The following RALGAPA1 variants were observed in gnomAD, a reference collection of about 807,000 sequenced individuals.
RALGAPA1 encodes the protein ral GTPase-activating protein subunit alpha-1.
RALGAPA1 carries 52 observed loss-of-function variants against 269.6 expected under a neutral mutation model. That is an observed-to-expected ratio of 0.19 (90% CI 0.15 to 0.24). The LOEUF (loss-of-function observed/expected upper bound fraction) is 0.24. Among genes scored for constraint, RALGAPA1 ranks in the 10% least tolerant of loss-of-function variants. RALGAPA1 has a pLI of 1.00. For synonymous variants in RALGAPA1, 817 were observed against 1,008.3 expected (o/e 0.81, Z 3.60); for missense variants, 1,917 against 3,013.9 (o/e 0.64, Z 8.52).
chr14:35,601,780 T>C lies in RALGAPA1; in HGVS notation c.7053+3806A>G, dbSNP rs79734938. ...TGCTTGTTTTATATGTAATGTCTTA[T>C]GCTTATTGTACTCAGTAGGAAGAAT... On this transcript the variant is annotated intron_variant, in intron 36 of 41. Transcript: ENST00000680220. Among the ~76,000 whole-genome samples the C allele has an allele frequency of 4.9e-3, 739 of 152,348 alleles. 16 individuals are homozygous for C. In the East Asian group the frequency reaches 0.058, roughly 12 times the overall value.
At chr14:35,804,660 A>G (rs755977889) in intron 1 of RALGAPA1, among the ~76,000 whole-genome samples, 12 of 151,594 alleles carry the variant, frequency 7.9e-5, no homozygotes, top group South Asian at 2.1e-4. Flanking sequence ...AGTTAGGTAC[A>G]GTGGCTCACA....
intron 31 of RALGAPA1, among the ~76,000 whole-genome samples, chr14:35,645,900 G>C (rs1004199770): frequency 6.6e-6 from 1 of 152,074 alleles, no homozygotes; most frequent in African/African-American, 2.4e-5. Flanking sequence ...ATTGTGTGCT[G>C]ACAGAAATTA....
At chr14:35,636,552 G>C (rs2061673512) in intron 31 of RALGAPA1, among the ~76,000 whole-genome samples, 1 of 152,046 alleles carries the variant, frequency 6.6e-6, no homozygotes, top group Non-Finnish European at 1.5e-5. Flanking sequence ...AGACAGTCTT[G>C]CTCTGTCACC....
chr14:35,657,692 T>A (rs867092063), intron 28 of RALGAPA1, among the ~76,000 whole-genome samples: 19,199 of 144,712 alleles, frequency 0.13, 1,440 homozygotes, highest in African/African-American at 0.21. Flanking sequence ...TATATATATT[T>A]TTTTTTTTTT....
intron 3 of RALGAPA1, among the ~76,000 whole-genome samples, chr14:35,773,456 A>C (rs1211539623): frequency 6.6e-6 from 1 of 152,074 alleles, no homozygotes; most frequent in Non-Finnish European, 1.5e-5. Flanking sequence ...AAACATTTCT[A>C]TGTAAAGAAT....
At chr14:35,759,461 G>C (rs1296245856) in intron 6 of RALGAPA1, among the ~76,000 whole-genome samples, 1 of 152,134 alleles carries the variant, frequency 6.6e-6, no homozygotes, top group Non-Finnish European at 1.5e-5. Flanking sequence ...AAGCCACCCA[G>C]TCTGGTTATT....
rs1202440624 is a variant in RALGAPA1, at chr14:35,539,201, A to C, written c.*513T>G. 1 of 158,640 alleles carries C rather than the reference A, an allele frequency of 6.3e-6. No individual in the cohort carries two copies. The highest frequency in any genetic ancestry group is 1.4e-5 in the Non-Finnish European group (1 of 72,506). 9.8% of individuals were successfully genotyped at this position (158,640 alleles called of 1,614,324 possible). A position where few individuals can be genotyped will look rare whatever the true frequency, so the allele number is the denominator to read the frequency against. ...TTGCAATGGGGCACAATAAATAATGAGACTAATTGTCCAATTGTATTTTGG... is the reference window on the plus strand; with the variant it reads ...TTGCAATGGGGCACAATAAATAATGCGACTAATTGTCCAATTGTATTTTGG... On this transcript the variant is annotated 3_prime_UTR_variant, in exon 42 of 42. Transcript: ENST00000680220.
At chr14:35,546,454 G>GTAA (rs10622401) in intron 41 of RALGAPA1, among the ~76,000 whole-genome samples, 18,854 of 149,856 alleles carry the variant, frequency 0.13, 1,213 homozygotes, top group African/African-American at 0.13. Context: ...AATTTAAAGT[G>GTAA]TAATAATAAT....
chr14:35,663,301 T>C (rs1403153270), intron 27 of RALGAPA1, among the ~76,000 whole-genome samples: 3 of 152,062 alleles, frequency 2.0e-5, no homozygotes, highest in Non-Finnish European at 4.4e-5. Context: ...AGTCAGACAT[T>C]GAACACGTAA....
chr14:35,612,818 G>A (rs562541567), intron 35 of RALGAPA1, among the ~76,000 whole-genome samples: 1 of 152,202 alleles, frequency 6.6e-6, no homozygotes, highest in South Asian at 2.1e-4. Flanking sequence ...GATTACAGGT[G>A]TGAGCCACCG....
In RALGAPA1 at chr14:35,689,934, C is replaced by T; in HGVS notation, c.2477G>A (p.Gly826Glu). ...ATTCAAAGCACCAAAAACTTCATTT[C>T]CAGTTTCTTCACTTTGTGAAAAATG... ...VRHFSQSEET[G>E]NEVFGALNEE... The change falls in exon 18 of 42, where the codon GGA becomes GAA. Residue 826 changes from glycine to glutamate, a missense_variant. Coordinates refer to ENST00000680220, the MANE Select transcript of RALGAPA1 (RefSeq NM_001346249.2). 6.2e-7 allele frequency: 1 copy of T among 1,602,552 alleles called. No individual in the cohort carries two copies.
chr14:35,680,068 T>A (rs186145580), intron 21 of RALGAPA1, among the ~76,000 whole-genome samples: 1 of 152,318 alleles, frequency 6.6e-6, no homozygotes, highest in East Asian at 1.9e-4. Context: ...ATAACCTTAA[T>A]GTTTACCAAA....
At chr14:35,656,447 C>A (rs932134237) in intron 28 of RALGAPA1, among the ~76,000 whole-genome samples, 1 of 152,060 alleles carries the variant, frequency 6.6e-6, no homozygotes, top group Non-Finnish European at 1.5e-5. Flanking sequence ...TCCTGTTCCC[C>A]AATGTATTGC....
At chr14:35,565,196 T>C (rs2056590993) in intron 39 of RALGAPA1, among the ~76,000 whole-genome samples, 1 of 151,842 alleles carries the variant, frequency 6.6e-6, no homozygotes, top group South Asian at 2.1e-4. Flanking sequence ...TTTCTCAAAT[T>C]ATAATTTGTA....
At chr14:35,644,142 A>C (rs2062219963) in intron 31 of RALGAPA1, among the ~76,000 whole-genome samples, 1 of 152,202 alleles carries the variant, frequency 6.6e-6, no homozygotes. Context: ...AAAATATCCC[A>C]TGCACTCCAT....
intron 39 of RALGAPA1, among the ~76,000 whole-genome samples, chr14:35,563,724 C>T (rs750271186): frequency 5.3e-5 from 8 of 152,082 alleles, no homozygotes; most frequent in South Asian, 4.2e-4. Context: ...ATAACTTACC[C>T]GAATTATAAG....
intron 30 of RALGAPA1, among the ~76,000 whole-genome samples, chr14:35,654,024 G>A (rs1265866276): frequency 6.6e-6 from 1 of 152,146 alleles, no homozygotes; most frequent in African/African-American, 2.4e-5. Context: ...TGTTTGTTGA[G>A]CCAGGGTCTT....
At chr14:35,787,000 C>T (rs1402847805) in intron 1 of RALGAPA1, among the ~76,000 whole-genome samples, 1 of 152,222 alleles carries the variant, frequency 6.6e-6, no homozygotes, top group East Asian at 1.9e-4. Context: ...TTTTAATCAT[C>T]ATCTTCCAAG....
At chr14:35,651,031 G>A (rs1205730978) in intron 31 of RALGAPA1, among the ~76,000 whole-genome samples, 2 of 152,038 alleles carry the variant, frequency 1.3e-5, no homozygotes, top group Non-Finnish European at 2.9e-5. Flanking sequence ...GAGCAGCACC[G>A]ACCTAGAGTC....
Sources: gnomAD v4.1 joint callset for allele counts (sites outside exome capture counted in the v4.1 genomes callset) on GRCh38, gnomAD v4.1.1 for gene constraint, MANE v1.5 for transcripts, NCBI Gene and HGNC (gene_info 2026-07-23, HGNC 2026-07-21) for gene names.